The following CACNA2D2 variants were observed in gnomAD, a reference collection of about 807,000 sequenced individuals.
CACNA2D2 encodes the protein calcium voltage-gated channel auxiliary subunit alpha2delta 2, also known as voltage-dependent calcium channel subunit alpha-2/delta-2.
A neutral mutation model predicts 166.4 loss-of-function variants in CACNA2D2; 48 were observed. That is an observed-to-expected ratio of 0.29 (90% CI 0.23 to 0.37). The LOEUF (loss-of-function observed/expected upper bound fraction) is 0.37, where lower values mean the gene tolerates loss of function less well. Ranked by LOEUF, CACNA2D2 falls within the 10% of genes least tolerant of loss-of-function variation. The pLI is 1.00. For synonymous variants in CACNA2D2, 561 were observed against 573.7 expected (o/e 0.98, Z 0.32); for missense variants, 1,122 against 1,433.0 (o/e 0.78, Z 3.50).
chr3:50,416,800 C>G (rs1707283789), intron 3 of CACNA2D2, among the ~76,000 whole-genome samples: 1 of 152,210 alleles, frequency 6.6e-6, no homozygotes, highest in Non-Finnish European at 1.5e-5. Flanking sequence ...CCTCTAGGTG[C>G]AGAGGTGAGG....
Position 50,454,751 on chromosome 3 carries a change from G to C in CACNA2D2, c.289-20322C>G, listed in dbSNP as rs1394681488. Among the ~76,000 whole-genome samples the C allele has an allele frequency of 2.0e-5, 3 of 152,134 alleles. No homozygotes were observed. In the East Asian group the frequency reaches 5.8e-4, roughly 29 times the overall value. On this transcript the variant is annotated intron_variant, in intron 2 of 37. Coordinates refer to ENST00000424201, the MANE Select transcript of CACNA2D2 (RefSeq NM_006030.4). ...AGCCTGTTAGTGAAGGAGGAGCCAAGTCCAGTCCCTGCTCCACAGGGTGGC... is the reference window on the plus strand; with the variant it reads ...AGCCTGTTAGTGAAGGAGGAGCCAACTCCAGTCCCTGCTCCACAGGGTGGC...
intron 2 of CACNA2D2, among the ~76,000 whole-genome samples, chr3:50,441,345 A>G (rs1291400590): frequency 6.6e-6 from 1 of 152,190 alleles, no homozygotes; most frequent in Non-Finnish European, 1.5e-5. Flanking sequence ...TACCGCAATT[A>G]GTACATTATG....
At position 50,382,344 on chromosome 3, in the gene CACNA2D2, A is replaced by G. The variant is rs375488363; in HGVS notation, c.653-1218T>C. 1.4e-3 allele frequency among the ~76,000 whole-genome samples: 214 copies of G among 152,294 alleles called. 1 individual carries two copies. Among genetic ancestry groups the G allele is most frequent in the African/African-American group, 4.9e-3 (205 of 41,550 alleles). ...CAAAAATCTACCTCAAGTGAGCACC[A>G]GAGACCACCTGCAGCAGGCAGACAA... On this transcript the variant is annotated intron_variant, in intron 6 of 37. Coordinates refer to ENST00000424201, the MANE Select transcript of CACNA2D2 (RefSeq NM_006030.4).
At chr3:50,437,101 G>A (rs1330165450) in intron 2 of CACNA2D2, among the ~76,000 whole-genome samples, 1 of 152,242 alleles carries the variant, frequency 6.6e-6, no homozygotes, top group Non-Finnish European at 1.5e-5. Context: ...GCTGGGCCCA[G>A]GTCTGATTCC....
intron 2 of CACNA2D2, among the ~76,000 whole-genome samples, chr3:50,456,167 G>T (rs1463740106): frequency 6.6e-6 from 1 of 152,232 alleles, no homozygotes; most frequent in Non-Finnish European, 1.5e-5. Context: ...TCATTTGCCT[G>T]AGGCTAGCAA....
intron 1 of CACNA2D2, among the ~76,000 whole-genome samples, chr3:50,496,422 G>A (rs570085020): frequency 1.5e-4 from 23 of 152,392 alleles, no homozygotes; most frequent in African/African-American, 5.3e-4. Context: ...ACACACAGGT[G>A]TAGACACGCC....
chr3:50,499,944 C>T (rs537988767), intron 1 of CACNA2D2, among the ~76,000 whole-genome samples: 4 of 152,270 alleles, frequency 2.6e-5, no homozygotes, highest in East Asian at 1.9e-4. Flanking sequence ...CTCTGCATCT[C>T]GGTGACAGCA....
chr3:50,430,168 T>C (rs1708003996), intron 3 of CACNA2D2, among the ~76,000 whole-genome samples: 1 of 152,210 alleles, frequency 6.6e-6, no homozygotes, highest in Non-Finnish European at 1.5e-5. Context: ...ACCATGTTGA[T>C]GTCCTTCTGG....
At chr3:50,486,222 T>C (rs1698275005) in intron 1 of CACNA2D2, among the ~76,000 whole-genome samples, 1 of 152,180 alleles carries the variant, frequency 6.6e-6, no homozygotes, top group African/African-American at 2.4e-5. Context: ...TTGGGACACC[T>C]GTGGAGGTCA....
At chr3:50,419,485 T>A (rs532871345) in intron 3 of CACNA2D2, among the ~76,000 whole-genome samples, 1 of 152,170 alleles carries the variant, frequency 6.6e-6, no homozygotes, top group Non-Finnish European at 1.5e-5. Context: ...TTGAGGCCCA[T>A]GACACCAAAC....
chr3:50,478,840 C>T (rs957153096), intron 1 of CACNA2D2, among the ~76,000 whole-genome samples: 52 of 152,204 alleles, frequency 3.4e-4, no homozygotes, highest in African/African-American at 1.1e-3. Context: ...ATTTACACCA[C>T]AGGAATTGGC....
rs1241137298 is a variant in CACNA2D2, at chr3:50,363,471, T to TGTGTGCACAGAGC, written c.*1194_*1195insGCTCTGTGCACAC. ...GAGCTGTGCCCAGTCCCCACCTGTG[T>TGTGTGCACAGAGC]GTGTGTGTGTGTGTGTGTGTTCAGC... On this transcript the variant is annotated 3_prime_UTR_variant, in exon 38 of 38. Coordinates refer to ENST00000424201, the MANE Select transcript of CACNA2D2 (RefSeq NM_006030.4). 9.2e-4 allele frequency: 338 copies of TGTGTGCACAGAGC among 368,298 alleles called. No individual in the cohort carries two copies. The highest frequency in any genetic ancestry group is 6.2e-3 in the East Asian group (156 of 25,286). The allele number at this position is 368,298 out of a possible 1,614,324, so 22.8% of individuals were successfully genotyped here.
At position 50,380,860 on chromosome 3, in the gene CACNA2D2, G is replaced by A. The variant is rs1705268704; in HGVS notation, c.785-55C>T. 1 of 1,525,120 alleles carries A rather than the reference G, an allele frequency of 6.6e-7. No individual in the cohort carries two copies. The highest frequency in any genetic ancestry group is 8.9e-7 in the Non-Finnish European group (1 of 1,129,680). 94.5% of individuals were successfully genotyped at this position (1,525,120 alleles called of 1,614,324 possible). A position where few individuals can be genotyped will look rare whatever the true frequency, so the allele number is the denominator to read the frequency against. ...GGCAGGAAAGGGCTGGCCTGGGTAG[G>A]CAGACCTTGCAGAGGCGACTGGGCT... On this transcript the variant is annotated intron_variant, in intron 7 of 37. Coordinates refer to ENST00000424201, the MANE Select transcript of CACNA2D2 (RefSeq NM_006030.4). This position sits in a 1 kb window ranked among gnomAD's most constrained non-coding sequence, Gnocchi z 4.9.
intron 5 of CACNA2D2, among the ~76,000 whole-genome samples, chr3:50,386,094 G>A (rs376717920): frequency 3.3e-5 from 5 of 152,092 alleles, no homozygotes; most frequent in South Asian, 4.1e-4. Context: ...AAATGTGTGC[G>A]TGCTGTCATT....
chr3:50,503,464 TGGCGGCGGC>T lies in CACNA2D2; in HGVS notation c.-50_-42del, dbSNP rs530076217. On this transcript the variant is annotated 5_prime_UTR_variant, in exon 1 of 38. Coordinates refer to ENST00000424201, the MANE Select transcript of CACNA2D2 (RefSeq NM_006030.4). ...GCGGCGCCGCGGGGAGGGGGGGCAGTGGCGGCGGCGGCGGCGGCGGCGGGGTTGGGGGGG... is the reference window on the plus strand; with the variant it reads ...GCGGCGCCGCGGGGAGGGGGGGCAGTGGCGGCGGCGGCGGGGTTGGGGGGG... 5.4e-4 allele frequency: 40 copies of T among 74,348 alleles called. No individual in the cohort carries two copies. The highest frequency in any genetic ancestry group is 1.2e-3 in the African/African-American group (21 of 17,608). 4.6% of individuals were successfully genotyped at this position (74,348 alleles called of 1,614,324 possible).
In CACNA2D2 at chr3:50,379,957, T is replaced by C. The variant is rs770962652; in HGVS notation, c.893+11A>G. The C allele has an allele frequency of 1.2e-6, 2 of 1,614,026 alleles. No homozygotes were observed. Among genetic ancestry groups the C allele is most frequent in the South Asian group, 2.2e-5 (2 of 91,078 alleles). ...CTGCCCCAGCCCCACTTGCCAGCAC[T>C]GCTCACTCACACATCCACGATGATG... On this transcript the variant is annotated intron_variant, in intron 9 of 37. Transcript: ENST00000424201. The surrounding 1 kb of genome is among the most constrained non-coding windows in gnomAD (Gnocchi z 6.5).
intron 2 of CACNA2D2, among the ~76,000 whole-genome samples, chr3:50,471,971 G>T (rs1710118735): frequency 6.6e-6 from 1 of 152,344 alleles, no homozygotes; most frequent in African/African-American, 2.4e-5. Flanking sequence ...CCGTTGATCT[G>T]AATCACCATG....
chr3:50,503,151 C>G lies in CACNA2D2; in HGVS notation c.206+67G>C, dbSNP rs1041945567. Reference sequence around the variant, plus strand: ...GGCGCGGAGCGCAGGGAAGGAGTAGCGCGGACCGGGGGCAGAGCGGGGCGC... The same window carrying G: ...GGCGCGGAGCGCAGGGAAGGAGTAGGGCGGACCGGGGGCAGAGCGGGGCGC... On this transcript the variant is annotated intron_variant, in intron 1 of 37. Transcript: ENST00000424201. 3.1e-6 allele frequency: 3 copies of G among 972,338 alleles called. No individual in the cohort carries two copies. The African/African-American group carries it at 5.2e-5, about 17-fold the overall frequency. The allele number at this position is 972,338 out of a possible 1,614,324, so 60.2% of individuals were successfully genotyped here.
intron 3 of CACNA2D2, among the ~76,000 whole-genome samples, chr3:50,419,046 A>G (rs1264896488): frequency 6.6e-6 from 1 of 152,098 alleles, no homozygotes; most frequent in Non-Finnish European, 1.5e-5. Flanking sequence ...TGAGAGGAAC[A>G]TGGGGAGCTG....
Sources: allele counts gnomAD v4.1 joint callset (sites outside exome capture counted in the v4.1 genomes callset), GRCh38; gene constraint gnomAD v4.1.1; non-coding constraint Gnocchi (gnomAD v3.1); transcripts MANE v1.5; gene names NCBI Gene and HGNC (gene_info 2026-07-23, HGNC 2026-07-21).